Variants in LPP observed in about 807,000 individuals in gnomAD.
LPP encodes lipoma-preferred partner.
LPP carries 38 observed loss-of-function variants against 60.4 expected under a neutral mutation model. The ratio of observed to expected loss-of-function variants is 0.63; its 90% CI spans 0.49 to 0.83. The LOEUF is 0.83. LPP is among the 40% of genes least tolerant of loss of function. The pLI, the probability that LPP is intolerant of heterozygous loss-of-function variation, is 0.00. For synonymous variants in LPP, 328 were observed against 290.8 expected (o/e 1.13, Z -1.30); for missense variants, 902 against 783.6 (o/e 1.15, Z -1.80).
At chr3:188,794,834 G>A (rs1429850187) in intron 9 of LPP, among the ~76,000 whole-genome samples, 1 of 152,116 alleles carries the variant, frequency 6.6e-6, no homozygotes, top group East Asian at 1.9e-4. Context: ...TGGGTAGCTA[G>A]CCGTGTTAGA....
chr3:188,311,128 G>A (rs55979093), intron 2 of LPP, among the ~76,000 whole-genome samples: 8,763 of 151,944 alleles, frequency 0.058, 535 homozygotes, highest in East Asian at 0.27. Context: ...AATTGAGGCC[G>A]GGTGCAGTGG....
chr3:188,309,851 A>C (rs571540902), intron 2 of LPP, among the ~76,000 whole-genome samples: 1 of 152,292 alleles, frequency 6.6e-6, no homozygotes, highest in East Asian at 1.9e-4. Flanking sequence ...TATCGCAAAA[A>C]CCACATACTT....
intron 2 of LPP, among the ~76,000 whole-genome samples, chr3:188,309,166 G>A (rs559153502): frequency 5.3e-5 from 8 of 151,568 alleles, no homozygotes; most frequent in South Asian, 2.1e-4. Flanking sequence ...GATTATAGAC[G>A]TGCATGACCA....
At chr3:188,425,371 C>A (rs1578797326) in intron 4 of LPP, among the ~76,000 whole-genome samples, 1 of 152,140 alleles carries the variant, frequency 6.6e-6, no homozygotes. Context: ...AGGATTTTCA[C>A]AATGATGTTC....
intron 2 of LPP, among the ~76,000 whole-genome samples, chr3:188,338,902 A>G (rs1762357261): frequency 6.6e-6 from 1 of 152,302 alleles, no homozygotes; most frequent in South Asian, 2.1e-4. Flanking sequence ...AAAGGACACC[A>G]TGGTTTGTGA....
chr3:188,777,741 A>G (rs1738295803), intron 9 of LPP, among the ~76,000 whole-genome samples: 1 of 151,978 alleles, frequency 6.6e-6, no homozygotes, highest in Non-Finnish European at 1.5e-5. Flanking sequence ...GATACTGGTG[A>G]TTTTTTCTCT....
At chr3:188,788,794 CG>C (rs1742723124) in intron 9 of LPP, among the ~76,000 whole-genome samples, 2 of 152,190 alleles carry the variant, frequency 1.3e-5, no homozygotes, top group South Asian at 4.1e-4. Flanking sequence ...CACGCCCCCC[CG>C]GCTCTAAACC....
At chr3:188,161,421 A>G (rs1014288630) in intron 1 of LPP, among the ~76,000 whole-genome samples, 17 of 152,172 alleles carry the variant, frequency 1.1e-4, no homozygotes, top group Non-Finnish European at 2.1e-4. Context: ...TGTCCTTCTA[A>G]TTGTTTGACA....
intron 1 of LPP, among the ~76,000 whole-genome samples, chr3:188,156,846 G>GC (rs199686814): frequency 0.042 from 6,024 of 144,944 alleles, 265 homozygotes; most frequent in African/African-American, 0.089. Context: ...CCTCTGCTGC[G>GC]CCCCACCCCC....
intron 2 of LPP, among the ~76,000 whole-genome samples, chr3:188,286,095 A>G (rs892813921): frequency 3.9e-5 from 6 of 152,280 alleles, no homozygotes; most frequent in East Asian, 3.9e-4. Context: ...CCTGGAATGA[A>G]TTGGATTCTG....
chr3:188,441,304 G>A (rs1226781671), intron 4 of LPP, among the ~76,000 whole-genome samples: 3 of 152,056 alleles, frequency 2.0e-5, no homozygotes, highest in African/African-American at 7.2e-5. Flanking sequence ...GTGTGTATGC[G>A]TGCGTATGTG....
At chr3:188,301,666 TTTA>T (rs1560219672) in intron 2 of LPP, among the ~76,000 whole-genome samples, 2 of 151,530 alleles carry the variant, frequency 1.3e-5, no homozygotes, top group African/African-American at 2.4e-5. Flanking sequence ...TTATTTATTA[TTTA>T]TTATTATTAT....
At chr3:188,593,227 T>C (rs1384024803) in intron 6 of LPP, among the ~76,000 whole-genome samples, 1 of 151,670 alleles carries the variant, frequency 6.6e-6, no homozygotes, top group Non-Finnish European at 1.5e-5. Context: ...CTAATAATGA[T>C]GTAGCTGATC....
chr3:188,300,025 C>G (rs183003072), intron 2 of LPP, among the ~76,000 whole-genome samples: 1 of 152,316 alleles, frequency 6.6e-6, no homozygotes, highest in East Asian at 1.9e-4. Flanking sequence ...TAAAACAGAA[C>G]AGACATTTCT....
chr3:188,692,778 T>C (rs1169660168), intron 7 of LPP, among the ~76,000 whole-genome samples: 1 of 152,220 alleles, frequency 6.6e-6, no homozygotes, highest in Non-Finnish European at 1.5e-5. Flanking sequence ...AGTTTTTGTG[T>C]TAGAAGCTTG....
At chr3:188,377,983 T>G (rs1414324807) in intron 3 of LPP, among the ~76,000 whole-genome samples, 1 of 152,134 alleles carries the variant, frequency 6.6e-6, no homozygotes, top group Non-Finnish European at 1.5e-5. Flanking sequence ...CCAGTCCCTG[T>G]TTGTCTAAGT....
intron 6 of LPP, among the ~76,000 whole-genome samples, chr3:188,544,519 G>A (rs1560543391): frequency 6.7e-6 from 1 of 150,176 alleles, no homozygotes; most frequent in Admixed American, 6.6e-5. Context: ...ATCATCACTG[G>A]CCATCAGAGA....
intron 2 of LPP, among the ~76,000 whole-genome samples, chr3:188,336,219 G>A (rs115558119): frequency 6.6e-6 from 1 of 152,116 alleles, no homozygotes; most frequent in Non-Finnish European, 1.5e-5. Context: ...TCTAGGTGCA[G>A]GTGCTTGAAG....
intron 6 of LPP, chr3:188,584,493 C>A (rs548296097): frequency 6.6e-6 from 1 of 150,974 alleles, no homozygotes; most frequent in African/African-American, 2.4e-5. Flanking sequence ...GTAAGCGCTT[C>A]TTTCCCATTT....
Sources: gnomAD v4.1 joint callset for allele counts (sites outside exome capture counted in the v4.1 genomes callset) on GRCh38, gnomAD v4.1.1 for gene constraint, MANE v1.5 for transcripts, NCBI Gene and HGNC (gene_info 2026-07-23, HGNC 2026-07-21) for gene names.